Variants in SMS observed in about 807,000 individuals in gnomAD.
SMS encodes the protein spermine synthase, also known as spermidine aminopropyltransferase.
SMS carries 3 observed loss-of-function variants against 33.0 expected under a neutral mutation model. The ratio of observed to expected loss-of-function variants is 0.09; its 90% confidence interval spans 0.04 to 0.23. SMS has a LOEUF of 0.23. SMS is among the 10% of genes least tolerant of loss of function. The pLI is 1.00. For synonymous variants in SMS, 103 were observed against 112.2 expected (o/e 0.92, Z 0.52); for missense variants, 117 against 288.6 (o/e 0.41, Z 4.31).
intron 1 of SMS, among the ~76,000 whole-genome samples, chrX:21,948,456 T>TTTTTTTTTTTTTTTA (rs1922386343): frequency 9.5e-6 from 1 of 104,992 alleles, no homozygotes; most frequent in Non-Finnish European, 1.9e-5. Context: ...TTTTTTTTTT[T>TTTTTTTTTTTTTTTA]AAGAAAGTCA....
intron 3 of SMS, 71 bp from the exon 4 acceptor site, chrX:21,972,436 C>T (rs569936818): frequency 2.9e-6 from 2 of 690,893 alleles, no homozygotes; most frequent in South Asian, 2.3e-5. Context: ...TGGCCTCAGT[C>T]GTTGGGTCTG....
chrX:21,972,394 G>A (rs1924229027), intron 3 of SMS, 113 bp from the exon 4 acceptor site: 1 of 536,568 alleles, frequency 1.9e-6, no homozygotes, highest in Non-Finnish European at 3.3e-6. Context: ...GTAGGAGGAG[G>A]GACAGGTCAA....
rs59082770 is a variant in SMS, at chrX:21,948,439, C to CTTTTTTTTTTTTTTT, written c.49+7569_49+7583dup. ...AATAACCAGTAGTCAGTCAATGTGT[C>CTTTTTTTTTTTTTTT]TTTTTTTTTTTTTTTTTAAGAAAGT... On this transcript the variant is annotated intron_variant, in intron 1 of 10. Transcript: ENST00000404933. Among the ~76,000 whole-genome samples the CTTTTTTTTTTTTTTT allele has an allele frequency of 7.0e-4, 56 of 80,169 alleles. 3 individuals are homozygous for CTTTTTTTTTTTTTTT. Among genetic ancestry groups the CTTTTTTTTTTTTTTT allele is most frequent in the East Asian group, 2.6e-3 (7 of 2,695 alleles). 69.6% of individuals were successfully genotyped at this position (80,169 alleles called of 115,157 possible).
chrX:21,952,421 GTTT>G (rs545894421), intron 1 of SMS, among the ~76,000 whole-genome samples: 6 of 33,479 alleles, frequency 1.8e-4, no homozygotes, highest in African/African-American at 4.2e-4. Flanking sequence ...TTGTTTGTTT[GTTT>G]TTTTTTTTTT....
chrX:21,963,130 T>C (rs996469453), intron 1 of SMS, among the ~76,000 whole-genome samples: 1 of 112,441 alleles, frequency 8.9e-6, no homozygotes, highest in Non-Finnish European at 1.9e-5. Context: ...GTGAGCCACC[T>C]CATGCTTTTG....
intron 4 of SMS, among the ~76,000 whole-genome samples, chrX:21,973,551 G>A (rs1009704497): frequency 6.2e-5 from 7 of 112,854 alleles, no homozygotes; most frequent in Non-Finnish European, 1.1e-4. Context: ...AGAGACTTCC[G>A]ACAGGGTGGG....
intron 7 of SMS, among the ~76,000 whole-genome samples, chrX:21,982,211 A>G (rs777342595): frequency 1.8e-3 from 197 of 107,565 alleles, no homozygotes; most frequent in Non-Finnish European, 3.3e-3. Context: ...GGTGGCGGGC[A>G]CCTGTAGTCT....
chrX:21,946,779 C>A (rs776253513), intron 1 of SMS, among the ~76,000 whole-genome samples: 12 of 112,075 alleles, frequency 1.1e-4, no homozygotes, highest in Non-Finnish European at 2.3e-4. Flanking sequence ...AGTGCCCAGG[C>A]AGAGAAACCC....
At chrX:21,955,265 A>G (rs954618923) in intron 1 of SMS, among the ~76,000 whole-genome samples, 5 of 112,573 alleles carry the variant, frequency 4.4e-5, no homozygotes, top group Non-Finnish European at 7.5e-5. Context: ...TCCTTCCCAG[A>G]TAATAAAACT....
rs929014375 is a variant in SMS at position 21,973,814 on chromosome X, C to T, written c.329+1243C>T. 6.2e-5 allele frequency among the ~76,000 whole-genome samples: 7 copies of T among 113,289 alleles called. No homozygotes were observed. The East Asian group carries it at 8.3e-4, about 13-fold the overall frequency. ...TCTGCCATGTGGGACAGTACAACTACGGAACATTTTCATCATCCAAATTTC... is the reference window on the plus strand; with the variant it reads ...TCTGCCATGTGGGACAGTACAACTATGGAACATTTTCATCATCCAAATTTC... On this transcript the variant is annotated intron_variant, in intron 4 of 10. Coordinates refer to ENST00000404933, the MANE Select transcript of SMS (RefSeq NM_004595.5).
At chrX:21,948,928 C>T (rs1922422238) in intron 1 of SMS, among the ~76,000 whole-genome samples, 1 of 112,051 alleles carries the variant, frequency 8.9e-6, no homozygotes, top group South Asian at 3.7e-4. Flanking sequence ...TCAATTGAAT[C>T]TGCGAACCAC....
intron 3 of SMS, 35 bp downstream of exon 3, chrX:21,972,025 G>A (rs1463927831): frequency 1.1e-6 from 1 of 905,534 alleles, no homozygotes; most frequent in Non-Finnish European, 1.6e-6. Flanking sequence ...CAGTGTTTAA[G>A]GATCATAGTA....
chrX:21,951,845 T>A (rs1922626284), intron 1 of SMS, among the ~76,000 whole-genome samples: 1 of 110,982 alleles, frequency 9.0e-6, no homozygotes, highest in Non-Finnish European at 1.9e-5. Flanking sequence ...GCAGGAACTG[T>A]TCAAGTAGTG....
Position 21,988,765 on chromosome X carries a change from CTG to C in SMS, c.945+3545_945+3546del, listed in dbSNP as rs1925562124. On this transcript the variant is annotated intron_variant, in intron 9 of 10. Transcript: ENST00000404933. ...AAATGTTCCCACCCAAAACTGCTAG[CTG>C]TGAGTTCGTGATGTCATTGGTTTTA... Among the ~76,000 whole-genome samples the C allele has an allele frequency of 3.6e-5, 4 of 109,862 alleles. No homozygotes were observed. In the South Asian group the frequency reaches 1.5e-3, roughly 42 times the overall value.
intron 1 of SMS, among the ~76,000 whole-genome samples, chrX:21,947,825 C>A (rs770531331): frequency 9.0e-6 from 1 of 111,410 alleles, no homozygotes; most frequent in African/African-American, 3.3e-5. Context: ...TTGTGCTTCC[C>A]GGTAGCCAGG....
intron 2 of SMS, among the ~76,000 whole-genome samples, chrX:21,968,733 T>C (rs1300604200): frequency 8.9e-6 from 1 of 112,285 alleles, no homozygotes; most frequent in African/African-American, 3.2e-5. Flanking sequence ...GTTTGTATTA[T>C]ATCTGGACTG....
intron 9 of SMS, among the ~76,000 whole-genome samples, chrX:21,991,303 G>C (rs1042422741): frequency 4.5e-5 from 5 of 110,689 alleles, no homozygotes; most frequent in African/African-American, 1.6e-4. Flanking sequence ...TCAGCCTCCC[G>C]AGTAGCTGGG....
At chrX:21,965,766 A>T (rs1353390554) in intron 1 of SMS, among the ~76,000 whole-genome samples, 2 of 108,172 alleles carry the variant, frequency 1.8e-5, no homozygotes, top group African/African-American at 6.7e-5. Context: ...ATAAAATAAA[A>T]TAAAATAATA....
intron 1 of SMS, among the ~76,000 whole-genome samples, chrX:21,947,907 C>G (rs978106371): frequency 9.1e-6 from 1 of 110,302 alleles, no homozygotes; most frequent in Non-Finnish European, 1.9e-5. Flanking sequence ...AATTCTCATG[C>G]GTTAATTGTG....
Sources: allele counts gnomAD v4.1 joint callset (sites outside exome capture counted in the v4.1 genomes callset), GRCh38; gene constraint gnomAD v4.1.1; transcripts MANE v1.5; gene names NCBI Gene and HGNC (gene_info 2026-07-23, HGNC 2026-07-21).